Variants in LRP5 observed in about 807,000 individuals in gnomAD.
LRP5 encodes low-density lipoprotein receptor-related protein 5.
Under a neutral mutation model 154.1 loss-of-function variants are expected in LRP5, and 62 were observed. That is an observed-to-expected ratio of 0.40 (90% confidence interval 0.33 to 0.50). The LOEUF (loss-of-function observed/expected upper bound fraction) is 0.50, where lower values mean the gene tolerates loss of function less well. Among genes scored for constraint, LRP5 ranks in the 20% least tolerant of loss-of-function variants. LRP5 has a pLI of 0.55. For missense variants in LRP5, 1,915 were observed against 2,336.7 expected (o/e 0.82, Z 3.72); for synonymous variants, 966 against 1,011.5 (o/e 0.96, Z 0.85).
At chr11:68,343,427 C>T (rs186300596) in intron 1 of LRP5, among the ~76,000 whole-genome samples, 69 of 152,110 alleles carry the variant, frequency 4.5e-4, no homozygotes, top group African/African-American at 1.5e-3. Flanking sequence ...TCTCAAAAGG[C>T]CTGTGACCCC....
intron 16 of LRP5, 105 bp from the exon 17 acceptor site, chr11:68,429,470 G>A: frequency 2.1e-6 from 3 of 1,440,402 alleles, no homozygotes; most frequent in Non-Finnish European, 1.9e-6. Context: ...GGGCCTGCAG[G>A]AGGGCCAGTT....
intron 1 of LRP5, among the ~76,000 whole-genome samples, chr11:68,334,248 GAAAT>G (rs1418671162): frequency 6.6e-6 from 1 of 151,928 alleles, no homozygotes; most frequent in Non-Finnish European, 1.5e-5. Context: ...AAATAAATAA[GAAAT>G]AAAGAAGCAG....
chr11:68,416,616 G>A, intron 13 of LRP5, 89 bp downstream of exon 13: 1 of 1,261,806 alleles, frequency 7.9e-7, no homozygotes. Context: ...CCTTAGCAGA[G>A]GGAGGAAACA....
the LRP5 span, among the ~76,000 whole-genome samples, chr11:68,302,805 G>T: frequency 6.6e-6 from 1 of 152,222 alleles, no homozygotes; most frequent in African/African-American, 2.4e-5. Flanking sequence ...TGAACAGGTG[G>T]CCTCGCTGGC....
chr11:68,328,444 C>T (rs899923562), intron 1 of LRP5, among the ~76,000 whole-genome samples: 5 of 152,228 alleles, frequency 3.3e-5, no homozygotes, highest in East Asian at 1.9e-4. Context: ...GTTCTGAGCT[C>T]GGTCCTCCAG....
chr11:68,356,524 A>G (rs1375231604), intron 2 of LRP5, among the ~76,000 whole-genome samples: 1 of 152,158 alleles, frequency 6.6e-6, no homozygotes, highest in African/African-American at 2.4e-5. Flanking sequence ...CTGAGTTCCT[A>G]TACATCCCTG....
chr11:68,311,855 C>A (rs1287290363), upstream of LRP5, among the ~76,000 whole-genome samples: 1 of 152,250 alleles, frequency 6.6e-6, no homozygotes, highest in Non-Finnish European at 1.5e-5. Flanking sequence ...GGTTCCAGAG[C>A]CCCTTCTGTG....
At chr11:68,418,562 C>T (rs1050569210) in intron 13 of LRP5, among the ~76,000 whole-genome samples, 2 of 152,206 alleles carry the variant, frequency 1.3e-5, no homozygotes, top group East Asian at 1.9e-4. Context: ...CCGTCGGTTT[C>T]GCTGTTGTGC....
chr11:68,345,856 CGTCCT>C (rs1435558239), intron 1 of LRP5, among the ~76,000 whole-genome samples: 4 of 152,088 alleles, frequency 2.6e-5, no homozygotes, highest in African/African-American at 9.7e-5. Context: ...TGATAGTAGC[CGTCCT>C]AATTGGTGCA....
intron 7 of LRP5, among the ~76,000 whole-genome samples, chr11:68,396,904 G>T (rs560530464): frequency 1.3e-5 from 2 of 152,164 alleles, no homozygotes; most frequent in Non-Finnish European, 1.5e-5. Context: ...TGTGAAGCCC[G>T]AGTGGTCGTG....
chr11:68,361,430 A>C (rs1458247963), intron 3 of LRP5, among the ~76,000 whole-genome samples: 1 of 152,126 alleles, frequency 6.6e-6, no homozygotes, highest in Non-Finnish European at 1.5e-5. Flanking sequence ...AAGTTAGGAG[A>C]TCGAGACCAT....
Position 68,429,591 on chromosome 11 carries a change from C to T in LRP5, c.3654C>T (p.Ala1218=), listed in dbSNP as rs780817068. 14 of 1,614,154 alleles carry T rather than the reference C, an allele frequency of 8.7e-6. No homozygotes were observed. The highest frequency in any genetic ancestry group is 1.1e-5 in the Non-Finnish European group (13 of 1,180,048). The change falls in exon 17 of 23, where the codon GCC becomes GCT. Residue 1218 remains alanine (A), a synonymous_variant. Coordinates refer to ENST00000294304, the MANE Select transcript of LRP5 (RefSeq NM_002335.4). ...TCTTTGCAGCAGCCCACCCATGTGC[C>T]CGTGACAATGGTGGCTGCTCCCACA... ...SLEEFSAHPC[A]RDNGGCSHIC...
rs1565094883 is a variant in LRP5, at chr11:68,416,472, T to C, written c.2972T>C (p.Ile991Thr). The change falls in exon 13 of 23, where the codon ATC (isoleucine) becomes ACC (threonine). Residue 991 changes from isoleucine to threonine, a missense_variant. Ile to Thr is a moderately conservative substitution (Grantham distance 89). Transcript: ENST00000294304. ...GACTATGACCCACTGGACAAGTTCA[T>C]CTACTGGGTGGATGGGCGCCAGAAC... Reference protein sequence around the residue: ...AIDYDPLDKFIYWVDGRQNIK... With the variant: ...AIDYDPLDKFTYWVDGRQNIK... 1.9e-6 allele frequency: 3 copies of C among 1,614,038 alleles called. No individual in the cohort carries two copies. Among genetic ancestry groups the C allele is most frequent in the Non-Finnish European group, 2.5e-6 (3 of 1,180,030 alleles).
chr11:68,383,767 G>T (rs142069955), intron 5 of LRP5, among the ~76,000 whole-genome samples: 2 of 152,238 alleles, frequency 1.3e-5, no homozygotes, highest in Admixed American at 6.5e-5. Flanking sequence ...ATCCACTGGG[G>T]TGTGGGGAGG....
At chr11:68,368,902 A>G (rs2450880) in intron 5 of LRP5, among the ~76,000 whole-genome samples, 2 of 146,336 alleles carry the variant, frequency 1.4e-5, no homozygotes, top group South Asian at 4.3e-4. Context: ...AGGTTGGAGT[A>G]CAGTGGCTCA....
At chr11:68,363,155 A>C (rs1289066487) in intron 3 of LRP5, among the ~76,000 whole-genome samples, 1 of 152,232 alleles carries the variant, frequency 6.6e-6, no homozygotes, top group Admixed American at 6.5e-5. Context: ...TTGTATACAG[A>C]GGTTAAAGCG....
chr11:68,357,604 A>G (rs1454526869), intron 2 of LRP5, 46 bp from the exon 3 acceptor site: 1 of 1,580,428 alleles, frequency 6.3e-7, no homozygotes, highest in Non-Finnish European at 8.7e-7. Flanking sequence ...CAAAAACAAA[A>G]AACAGATCTG....
chr11:68,387,760 G>A (rs1403890313), intron 6 of LRP5, among the ~76,000 whole-genome samples: 3 of 152,226 alleles, frequency 2.0e-5, no homozygotes, highest in East Asian at 3.8e-4. Context: ...TGTGGGTGCC[G>A]ATGGGAAGTC....
intron 2 of LRP5, among the ~76,000 whole-genome samples, chr11:68,357,250 T>C (rs1330133298): frequency 6.6e-6 from 1 of 152,242 alleles, no homozygotes; most frequent in Admixed American, 6.5e-5. Context: ...CTCATTTCTT[T>C]ATACCACTAA....
Sources: gnomAD v4.1 joint callset for allele counts (sites outside exome capture counted in the v4.1 genomes callset) on GRCh38, gnomAD v4.1.1 for gene constraint, MANE v1.5 for transcripts, NCBI Gene and HGNC (gene_info 2026-07-23, HGNC 2026-07-21) for gene names.